ABLIM2: variants seen among roughly 807,000 people sequenced by gnomAD.
ABLIM2 encodes actin-binding LIM protein 2.
Under a neutral mutation model 97.7 loss-of-function variants are expected in ABLIM2, and 53 were observed. The ratio of observed to expected loss-of-function variants is 0.54; its 90% CI spans 0.44 to 0.68. The LOEUF is 0.68. ABLIM2 is among the 30% of genes least tolerant of loss of function. The probability of loss-of-function intolerance (pLI) is 0.00; values close to 1 mark genes in which losing one functional copy is unlikely to be tolerated. For synonymous variants in ABLIM2, 361 were observed against 345.8 expected, an observed-to-expected ratio of 1.04 and a Z score of -0.49; for missense variants, 835 against 867.2, an observed-to-expected ratio of 0.96 and a Z score of 0.47.
At chr4:8,108,269 A>T (rs967439530) in intron 1 of ABLIM2, among the ~76,000 whole-genome samples, 2 of 152,198 alleles carry the variant, frequency 1.3e-5, no homozygotes, top group Non-Finnish European at 2.9e-5. Flanking sequence ...AACAGCAAGG[A>T]CCACCGCAGT....
intron 20 of ABLIM2, among the ~76,000 whole-genome samples, chr4:7,973,512 AAG>A (rs1006351991): frequency 9.9e-5 from 15 of 151,564 alleles, no homozygotes; most frequent in Non-Finnish European, 2.1e-4. Context: ...AAAAAAAAAA[AAG>A]AGAGAAAAAA....
At chr4:8,107,359 C>T (rs1207048635) in intron 1 of ABLIM2, among the ~76,000 whole-genome samples, 3 of 152,260 alleles carry the variant, frequency 2.0e-5, no homozygotes, top group Non-Finnish European at 4.4e-5. Flanking sequence ...GGACAGAGGG[C>T]CACGGCCCAG....
chr4:8,055,813 T>C (rs1003117560), intron 7 of ABLIM2, among the ~76,000 whole-genome samples: 1 of 152,144 alleles, frequency 6.6e-6, no homozygotes, highest in African/African-American at 2.4e-5. Flanking sequence ...AAATAAATTA[T>C]GACCATAAAA....
At position 8,019,494 on chromosome 4, in the gene ABLIM2, C is replaced by T. The variant is rs1771975000; in HGVS notation, c.1423+124G>A. ...GAATTTGCATTTAATAGTCAGACTG[C>T]TAAGGGCCTTGGTGGTGCCTTCACT... On this transcript the variant is annotated intron_variant, in intron 14 of 20. Transcript: ENST00000447017. The surrounding 1 kb of genome is among the most constrained non-coding windows in gnomAD (Gnocchi z 4.3). 2.3e-6 allele frequency: 2 copies of T among 886,040 alleles called. No homozygotes were observed. The highest frequency in any genetic ancestry group is 1.8e-5 in the South Asian group (1 of 56,394). 54.9% of individuals were successfully genotyped at this position (886,040 alleles called of 1,614,324 possible). A position where few individuals can be genotyped will look rare whatever the true frequency, so the allele number is the denominator to read the frequency against.
intron 14 of ABLIM2, 93 bp from the exon 15 acceptor site, chr4:8,009,195 G>A: frequency 2.7e-6 from 4 of 1,500,014 alleles, no homozygotes; most frequent in South Asian, 2.3e-5. Flanking sequence ...GCTCAAAAAT[G>A]AAAAATCAAT....
rs987934605 is a variant in ABLIM2 at position 8,122,454 on chromosome 4, T to C, written c.11-15817A>G. ...GATATTAGGGCAGCAGCATGCTCGG[T>C]CCCTGGTGAGGGCTCCCTTCCTGGC... On this transcript the variant is annotated intron_variant, in intron 1 of 20. Coordinates refer to ENST00000447017, the MANE Select transcript of ABLIM2 (RefSeq NM_001130083.2). The surrounding 1 kb of genome is among the most constrained non-coding windows in gnomAD (Gnocchi z 4.1). 6.6e-6 allele frequency among the ~76,000 whole-genome samples: 1 copy of C among 152,200 alleles called. No individual in the cohort carries two copies. Among genetic ancestry groups the C allele is most frequent in the Non-Finnish European group, 1.5e-5 (1 of 68,026 alleles).
intron 3 of ABLIM2, among the ~76,000 whole-genome samples, chr4:8,089,732 C>CAAAAAAA (rs58396378): frequency 1.1e-5 from 1 of 87,672 alleles, no homozygotes; most frequent in Admixed American, 1.3e-4. Context: ...AGATTCATAT[C>CAAAAAAA]AAAAAAAAAA....
At chr4:8,059,529 C>T (rs2076768) in intron 7 of ABLIM2, among the ~76,000 whole-genome samples, 72,585 of 151,838 alleles carry the variant, frequency 0.48, 17,523 homozygotes, top group South Asian at 0.71. Flanking sequence ...CCGGCCCCCC[C>T]ACTTGACATA....
chr4:8,023,993 G>C lies in ABLIM2; in HGVS notation c.1268-3690C>G, dbSNP rs1468157527. ...GATGATGCCCATGCTGCAATGCACAGCCACATCCTGGGTCCTCAACCACAA... is the reference window on the plus strand; with the variant it reads ...GATGATGCCCATGCTGCAATGCACACCCACATCCTGGGTCCTCAACCACAA... On this transcript the variant is annotated intron_variant, in intron 12 of 20. Transcript: ENST00000447017. The surrounding 1 kb of genome is among the most constrained non-coding windows in gnomAD (Gnocchi z 5.7). Among the ~76,000 whole-genome samples the C allele has an allele frequency of 1.3e-5, 2 of 152,194 alleles. No homozygotes were observed. The highest frequency in any genetic ancestry group is 4.8e-5 in the African/African-American group (2 of 41,452).
chr4:8,101,942 A>G (rs1448741272), intron 2 of ABLIM2, among the ~76,000 whole-genome samples: 1 of 152,056 alleles, frequency 6.6e-6, no homozygotes, highest in African/African-American at 2.4e-5. Context: ...CCAGAATGAG[A>G]CACCTTCACA....
chr4:7,977,825 T>TAAATAAAG (rs1379220404), intron 20 of ABLIM2, among the ~76,000 whole-genome samples: 2 of 151,260 alleles, frequency 1.3e-5, no homozygotes, highest in African/African-American at 4.9e-5. Context: ...AATAAATAAA[T>TAAATAAAG]AAAAGGTGGG....
At chr4:8,134,823 A>G (rs1245278567) in intron 1 of ABLIM2, among the ~76,000 whole-genome samples, 1 of 152,204 alleles carries the variant, frequency 6.6e-6, no homozygotes, top group Non-Finnish European at 1.5e-5. Context: ...GGCAGAAGGC[A>G]TTTCTATCCA....
At chr4:8,056,387 A>C (rs1580020398) in intron 7 of ABLIM2, among the ~76,000 whole-genome samples, 1 of 138,290 alleles carries the variant, frequency 7.2e-6, no homozygotes, top group African/African-American at 2.7e-5. Flanking sequence ...TGCAGCCCCC[A>C]CCTCTTGGTC....
At chr4:8,154,980 G>A (rs1271879384) in intron 1 of ABLIM2, among the ~76,000 whole-genome samples, 1 of 152,210 alleles carries the variant, frequency 6.6e-6, no homozygotes, top group Non-Finnish European at 1.5e-5. Context: ...AAAACCACCA[G>A]CTATCGCCAG....
intron 1 of ABLIM2, among the ~76,000 whole-genome samples, chr4:8,143,823 G>T (rs535509507): frequency 1.3e-4 from 20 of 152,320 alleles, no homozygotes; most frequent in African/African-American, 4.8e-4. Flanking sequence ...ATGCTGCTTG[G>T]CTGCATGTTA....
intron 18 of ABLIM2, 115 bp from the exon 19 acceptor site, chr4:7,983,669 G>A: frequency 7.9e-7 from 1 of 1,265,804 alleles, no homozygotes; most frequent in Non-Finnish European, 1.1e-6. Context: ...CAGTCACCTG[G>A]GCCATGCATG....
rs915115357 is a variant in ABLIM2, at chr4:8,082,361, C to T, written c.455-1559G>A. Reference sequence around the variant, plus strand: ...GGGTGATCACCTCCTCACTTGGTGCCTGCCCGGATCCAGTGCTAATTTACA... The same window carrying T: ...GGGTGATCACCTCCTCACTTGGTGCTTGCCCGGATCCAGTGCTAATTTACA... On this transcript the variant is annotated intron_variant, in intron 4 of 20. Coordinates refer to ENST00000447017, the MANE Select transcript of ABLIM2 (RefSeq NM_001130083.2). This position sits in a 1 kb window ranked among gnomAD's most constrained non-coding sequence, Gnocchi z 5.6. Among the ~76,000 whole-genome samples, 5 of 152,204 alleles carry T rather than the reference C, an allele frequency of 3.3e-5. No homozygotes were observed. The highest frequency in any genetic ancestry group is 6.5e-5 in the Admixed American group (1 of 15,284).
intron 8 of ABLIM2, among the ~76,000 whole-genome samples, chr4:8,052,395 G>C (rs899351610): frequency 6.6e-6 from 1 of 152,228 alleles, no homozygotes; most frequent in African/African-American, 2.4e-5. Flanking sequence ...GCAGCCTCAG[G>C]GTAGCTTGTA....
intron 6 of ABLIM2, among the ~76,000 whole-genome samples, 173 bp downstream of exon 6, chr4:8,077,455 C>T (rs773653148): frequency 9.9e-5 from 15 of 152,212 alleles, no homozygotes; most frequent in Admixed American, 9.8e-4. Context: ...TGGCACTGGG[C>T]AGGCCCTGGA....
Sources: allele counts gnomAD v4.1 joint callset (sites outside exome capture counted in the v4.1 genomes callset), GRCh38; gene constraint gnomAD v4.1.1; non-coding constraint Gnocchi (gnomAD v3.1); transcripts MANE v1.5; gene names NCBI Gene and HGNC (gene_info 2026-07-23, HGNC 2026-07-21).